The following TNRC18 variants were observed in gnomAD, a reference collection of about 807,000 sequenced individuals.
TNRC18 encodes the protein trinucleotide repeat containing 18, also known as trinucleotide repeat-containing gene 18 protein.
In TNRC18, 69 loss-of-function variants were observed where a neutral mutation model predicts 226.7. The ratio of observed to expected loss-of-function variants is 0.30; its 90% confidence interval spans 0.25 to 0.37. The LOEUF (loss-of-function observed/expected upper bound fraction) is 0.37, where lower values mean the gene tolerates loss of function less well. Among genes scored for constraint, TNRC18 ranks in the 10% least tolerant of loss-of-function variants. The pLI, the probability that TNRC18 is intolerant of heterozygous loss-of-function variation, is 1.00. For missense variants in TNRC18, 4,754 were observed against 4,256.6 expected, an observed-to-expected ratio of 1.12 and a Z score of -3.25; for synonymous variants, 2,449 against 1,927.6, an observed-to-expected ratio of 1.27 and a Z score of -7.09.
intron 17 of TNRC18, among the ~76,000 whole-genome samples, chr7:5,350,804 G>T (rs1040234345): frequency 6.6e-6 from 1 of 152,134 alleles, no homozygotes; most frequent in African/African-American, 2.4e-5. Flanking sequence ...GAGGACCCCG[G>T]GCTGGGACCA....
intron 18 of TNRC18, among the ~76,000 whole-genome samples, chr7:5,333,510 C>T (rs1789777567): frequency 6.6e-6 from 1 of 152,178 alleles, no homozygotes; most frequent in Admixed American, 6.5e-5. Flanking sequence ...CAGGAATCGT[C>T]CACTCCCACT....
intron 25 of TNRC18, 83 bp from the exon 26 acceptor site, chr7:5,315,231 C>G: frequency 6.9e-7 from 1 of 1,450,812 alleles, no homozygotes; most frequent in Non-Finnish European, 9.2e-7. Context: ...TCCCGGGGAT[C>G]AGGGATGGGG....
intron 2 of TNRC18, among the ~76,000 whole-genome samples, chr7:5,414,942 CTT>C (rs1439125641): frequency 6.6e-6 from 1 of 152,240 alleles, no homozygotes. Context: ...TTTCCAGTCT[CTT>C]TTAATCAGGA....
chr7:5,416,790 G>A (rs73059715), intron 2 of TNRC18, among the ~76,000 whole-genome samples: 23 of 151,360 alleles, frequency 1.5e-4, no homozygotes, highest in East Asian at 3.9e-4. Context: ...CCAGGAGTTC[G>A]AGACCAGCTG....
At position 5,407,547 on chromosome 7, in the gene TNRC18, C is replaced by T. The variant is rs533762124; in HGVS notation, c.188-12952G>A. Among the ~76,000 whole-genome samples, 80 of 152,344 alleles carry T rather than the reference C, an allele frequency of 5.3e-4. 1 individual carries two copies. The highest frequency in any genetic ancestry group is 1.7e-3 in the African/African-American group (69 of 41,588). ...CCCCACCTGGGATCACAGCACCAGC[C>T]GGCAATTCTGGCTTAATTCCAGTCC... On this transcript the variant is annotated intron_variant, in intron 2 of 29. Transcript: ENST00000430969.
chr7:5,357,300 G>C (rs779467997), intron 15 of TNRC18, 24 bp from the exon 16 acceptor site: 6 of 1,592,956 alleles, frequency 3.8e-6, no homozygotes, highest in Non-Finnish European at 4.3e-6. Context: ...GTGGGTCATG[G>C]GTTAAAAGAT....
At chr7:5,385,043 A>G (rs1213688845) in intron 5 of TNRC18, among the ~76,000 whole-genome samples, 1 of 152,246 alleles carries the variant, frequency 6.6e-6, no homozygotes, top group African/African-American at 2.4e-5. Flanking sequence ...TCGGCCAGAG[A>G]CAGGCCCGGT....
Position 5,332,774 on chromosome 7 carries a change from T to TGCG in TNRC18, c.5992_5994dup (p.Arg1998dup). On this transcript the variant is annotated inframe_insertion, in exon 19 of 30. Transcript: ENST00000430969. ...GCGTCGTGCAGGAAGATGCGCTCGC[T>TGCG]GCGGCGCCGCGTCCACAGGTCGTCG... is the stretch of plus-strand genomic sequence containing the variant. The TGCG allele has an allele frequency of 6.6e-7, 1 of 1,516,752 alleles. No individual in the cohort carries two copies. The highest frequency in any genetic ancestry group is 8.8e-7 in the Non-Finnish European group (1 of 1,139,080). The allele number at this position is 1,516,752 out of a possible 1,614,324, so 94.0% of individuals were successfully genotyped here. A position where few individuals can be genotyped will look rare whatever the true frequency, so the allele number is the denominator to read the frequency against.
chr7:5,350,316 G>T (rs756466293), intron 17 of TNRC18, among the ~76,000 whole-genome samples: 1 of 151,954 alleles, frequency 6.6e-6, no homozygotes, highest in South Asian at 2.1e-4. Flanking sequence ...CCGGGGCATC[G>T]TACTCCTCGC....
chr7:5,329,682 CAAAA>C (rs10628315), intron 19 of TNRC18, among the ~76,000 whole-genome samples: 2 of 45,756 alleles, frequency 4.4e-5, no homozygotes, highest in African/African-American at 9.4e-5. Context: ...GACTCCGTCT[CAAAA>C]AAAAAAAAAA....
In TNRC18 at chr7:5,383,390, T is replaced by C. The variant is rs566673432; in HGVS notation, c.2152+4282A>G. 2.0e-5 allele frequency among the ~76,000 whole-genome samples: 3 copies of C among 152,288 alleles called. No homozygotes were observed. The South Asian group carries it at 6.2e-4, about 32-fold the overall frequency. On this transcript the variant is annotated intron_variant, in intron 5 of 29. Coordinates refer to ENST00000430969, the MANE Select transcript of TNRC18 (RefSeq NM_001080495.3). ...CACAGGCAGGTGCATTCTAAGACCC[T>C]AATGCCTGAATATGAGCAGATGAGA...
chr7:5,410,021 A>T (rs1781741037), intron 2 of TNRC18, among the ~76,000 whole-genome samples: 1 of 150,712 alleles, frequency 6.6e-6, no homozygotes. Flanking sequence ...TTTTAAATTC[A>T]ATGATCAGAT....
At chr7:5,344,924 C>T (rs1193606553) in intron 18 of TNRC18, among the ~76,000 whole-genome samples, 2 of 152,090 alleles carry the variant, frequency 1.3e-5, no homozygotes, top group Non-Finnish European at 2.9e-5. Flanking sequence ...CCGGGGTAAG[C>T]GCCAGCTGCC....
In TNRC18 at chr7:5,313,378, G is replaced by T. The variant is rs753919497; in HGVS notation, c.7513C>A (p.Pro2505Thr). ...PKSLLSLGSY[P>T]PAAGSSEPKA... ...GGCTCGCTGCTGCCGGCCGCGGGGGGATAGCTGCCCAGGCTCAGGAGGCTC... is the reference window on the plus strand; with the variant it reads ...GGCTCGCTGCTGCCGGCCGCGGGGGTATAGCTGCCCAGGCTCAGGAGGCTC... The change falls in exon 27 of 30, where the codon CCC (proline) becomes ACC (threonine). Residue 2505 changes from proline to threonine, a missense_variant. Physicochemically the swap from Pro to Thr is conservative, Grantham distance 38 (BLOSUM62 -1). Coordinates refer to ENST00000430969, the MANE Select transcript of TNRC18 (RefSeq NM_001080495.3). 5 of 1,586,546 alleles carry T rather than the reference G, an allele frequency of 3.2e-6. No individual in the cohort carries two copies. Among genetic ancestry groups the T allele is most frequent in the Non-Finnish European group, 4.3e-6 (5 of 1,167,992 alleles).
intron 19 of TNRC18, among the ~76,000 whole-genome samples, chr7:5,330,269 G>A (rs1437855860): frequency 1.3e-5 from 2 of 152,080 alleles, no homozygotes; most frequent in South Asian, 4.1e-4. Flanking sequence ...GGGTTCTGTT[G>A]CCTAGGCTGG....
intron 15 of TNRC18, among the ~76,000 whole-genome samples, chr7:5,357,578 G>T (rs1187497546): frequency 6.6e-6 from 1 of 152,116 alleles, no homozygotes; most frequent in African/African-American, 2.4e-5. Context: ...TCGACCTCTG[G>T]GCTCTGTGAC....
At position 5,356,830 on chromosome 7, in the gene TNRC18, C is replaced by CG. The variant is rs59857141; in HGVS notation, c.5194+85dup. The stretch of plus-strand genomic sequence containing the variant: ...CGAGAGCGAGAGAGAGAGTGAGGGG[C>CG]GGGGGGGGAAGGAGGACGGTGGAGA... On this transcript the variant is annotated intron_variant, in intron 16 of 29. Coordinates refer to ENST00000430969, the MANE Select transcript of TNRC18 (RefSeq NM_001080495.3). 0.38 allele frequency: 303,577 copies of CG among 804,664 alleles called. 32,559 individuals are homozygous for CG. The highest frequency in any genetic ancestry group is 0.52 in the African/African-American group (24,809 of 47,270). 49.8% of individuals were successfully genotyped at this position (804,664 alleles called of 1,614,324 possible).
intron 14 of TNRC18, among the ~76,000 whole-genome samples, chr7:5,360,131 A>G (rs1792885139): frequency 1.3e-5 from 2 of 152,112 alleles, no homozygotes; most frequent in South Asian, 4.2e-4. Flanking sequence ...TGTACTTGGC[A>G]CTCACTCACT....
chr7:5,389,295 G>A lies in TNRC18; in HGVS notation c.529C>T (p.His177Tyr), dbSNP rs1294959880. ...GTCCGGGCCGAGGGCGCGTGAGAGT[G>A]CAGGGAGCCCGGAGCCCCCGCGGTG... Reference protein sequence around the residue: ...LPTAGAPGSLHSHAPSARTPG... With the variant: ...LPTAGAPGSLYSHAPSARTPG... The change falls in exon 5 of 30, where the codon CAC (histidine) becomes TAC (tyrosine). Residue 177 changes from histidine (H) to tyrosine (Y), a missense_variant. Physicochemically the swap from His to Tyr is moderately conservative, Grantham distance 83. Transcript: ENST00000430969. 7.8e-7 allele frequency: 1 copy of A among 1,287,118 alleles called. No homozygotes were observed. The highest frequency in any genetic ancestry group is 9.8e-7 in the Non-Finnish European group (1 of 1,018,112). The allele number at this position is 1,287,118 out of a possible 1,614,324, so 79.7% of individuals were successfully genotyped here.
Sources: allele counts gnomAD v4.1 joint callset (sites outside exome capture counted in the v4.1 genomes callset), GRCh38; gene constraint gnomAD v4.1.1; transcripts MANE v1.5; gene names NCBI Gene and HGNC (gene_info 2026-07-23, HGNC 2026-07-21).